Variants in CBFA2T3 observed in about 807,000 individuals in gnomAD.
CBFA2T3 encodes the protein transcriptional corepressor CBFA2T3.
In CBFA2T3, 31 loss-of-function variants were observed where a neutral mutation model predicts 58.6. That is an observed-to-expected ratio of 0.53 (90% CI 0.40 to 0.71). The LOEUF (loss-of-function observed/expected upper bound fraction) is 0.71. Among genes scored for constraint, CBFA2T3 ranks in the 30% least tolerant of loss-of-function variants. The pLI, the probability that CBFA2T3 is intolerant of heterozygous loss-of-function variation, is 0.00. For missense variants in CBFA2T3, 1,076 were observed against 963.1 expected, an observed-to-expected ratio of 1.12 and a Z score of -1.55; for synonymous variants, 531 against 421.9, an observed-to-expected ratio of 1.26 and a Z score of -3.17.
In CBFA2T3 at chr16:88,892,284, T is replaced by C; in HGVS notation, c.581A>G (p.Glu194Gly). ...CAGTGTGCGCACGCGCTCCCCAATC[T>C]CTGGGGAGATGTCGCTGCCAAACTG... ...LQQFGSDISPEIGERVRTLVL... is the reference protein window; with the variant it reads ...LQQFGSDISPGIGERVRTLVL... Residue 194 changes from glutamate to glycine, a missense_variant, in exon 4 of 12, where the codon GAG becomes GGG. By Grantham distance (98) the Glu-to-Gly change is moderately conservative. Coordinates refer to ENST00000268679, the MANE Select transcript of CBFA2T3 (RefSeq NM_005187.6). 6.2e-7 allele frequency: 1 copy of C among 1,612,256 alleles called. No individual in the cohort carries two copies.
At position 88,885,707 on chromosome 16, in the gene CBFA2T3, C is replaced by A. The variant is rs1969339525; in HGVS notation, c.893+254G>T. 6 of 520,754 alleles carry A rather than the reference C, an allele frequency of 1.2e-5. No homozygotes were observed. Among genetic ancestry groups the A allele is most frequent in the Non-Finnish European group, 2.1e-5 (6 of 292,108 alleles). 32.3% of individuals were successfully genotyped at this position (520,754 alleles called of 1,614,324 possible). On this transcript the variant is annotated intron_variant, in intron 6 of 11. Transcript: ENST00000268679. This position sits in a 1 kb window ranked among gnomAD's most constrained non-coding sequence, Gnocchi z 5.3. The stretch of plus-strand genomic sequence containing the variant: ...TCCATGCCCGGCACACAGGGGAGAG[C>A]CGTCCTCCCACCAGCCTCCTCCCTG...
At chr16:88,919,538 C>A (rs569263500) in intron 1 of CBFA2T3, among the ~76,000 whole-genome samples, 1 of 152,190 alleles carries the variant, frequency 6.6e-6, no homozygotes, top group Non-Finnish European at 1.5e-5. Flanking sequence ...CTCAGCCTTA[C>A]GGGTAAGAAG....
chr16:88,975,386 G>A (rs138297369), intron 1 of CBFA2T3, among the ~76,000 whole-genome samples: 36 of 152,304 alleles, frequency 2.4e-4, no homozygotes, highest in East Asian at 1.7e-3. Flanking sequence ...ACAAAGCGGC[G>A]GCTCTCCATG....
intron 5 of CBFA2T3, among the ~76,000 whole-genome samples, chr16:88,890,384 C>T (rs1186152561): frequency 6.6e-6 from 1 of 152,214 alleles, no homozygotes; most frequent in Non-Finnish European, 1.5e-5. Flanking sequence ...GGTCTGTCCT[C>T]TGGACCCCCG....
intron 1 of CBFA2T3, among the ~76,000 whole-genome samples, chr16:88,911,883 C>CA (rs34759996): frequency 0.048 from 7,324 of 152,334 alleles, 492 homozygotes; most frequent in African/African-American, 0.14. Flanking sequence ...AAGACCCCCC[C>CA]TCCTGCCTCG....
At chr16:88,902,029 T>C (rs1016292568) in intron 1 of CBFA2T3, among the ~76,000 whole-genome samples, 4 of 152,102 alleles carry the variant, frequency 2.6e-5, no homozygotes, top group Non-Finnish European at 2.9e-5. Context: ...CGGGGGGTGT[T>C]CAGACAGACC....
chr16:88,910,937 C>T (rs1412195742), intron 1 of CBFA2T3, among the ~76,000 whole-genome samples: 1 of 151,124 alleles, frequency 6.6e-6, no homozygotes, highest in African/African-American at 2.5e-5. Flanking sequence ...CTGGGGTGGG[C>T]AGAGGCGGCC....
chr16:88,962,899 C>T (rs1175723692), intron 1 of CBFA2T3, among the ~76,000 whole-genome samples: 1 of 152,178 alleles, frequency 6.6e-6, no homozygotes, highest in Non-Finnish European at 1.5e-5. Flanking sequence ...TGGGCAACCC[C>T]ACCCCGCGTG....
chr16:88,908,700 C>T (rs528448364), intron 1 of CBFA2T3, among the ~76,000 whole-genome samples: 35 of 152,364 alleles, frequency 2.3e-4, no homozygotes, highest in African/African-American at 7.7e-4. Flanking sequence ...TTCCCCGCCT[C>T]GTACCCTCGC....
intron 1 of CBFA2T3, among the ~76,000 whole-genome samples, chr16:88,935,379 C>A (rs1384799875): frequency 1.3e-5 from 2 of 152,170 alleles, no homozygotes; most frequent in Non-Finnish European, 2.9e-5. Context: ...TGCGTGGGGA[C>A]CCTGGTGGTG....
intron 1 of CBFA2T3, among the ~76,000 whole-genome samples, chr16:88,970,754 G>A (rs371727562): frequency 7.9e-4 from 121 of 152,346 alleles, no homozygotes; most frequent in African/African-American, 2.7e-3. Context: ...ACGCCTTCCA[G>A]GGCTCAGCAC....
chr16:88,919,084 G>A (rs1451852643), intron 1 of CBFA2T3, among the ~76,000 whole-genome samples: 1 of 152,200 alleles, frequency 6.6e-6, no homozygotes, highest in Non-Finnish European at 1.5e-5. Flanking sequence ...GTCGAAGCAA[G>A]CATTAGGTCA....
At chr16:88,898,870 A>G (rs140291679) in intron 2 of CBFA2T3, among the ~76,000 whole-genome samples, 200 of 152,362 alleles carry the variant, frequency 1.3e-3, no homozygotes, top group African/African-American at 4.2e-3. Context: ...TATATAAAAA[A>G]AGAAAGAAAG....
At chr16:88,881,182 G>A (rs780068291) in intron 9 of CBFA2T3, 109 bp downstream of exon 9, 10 of 1,020,928 alleles carry the variant, frequency 9.8e-6, no homozygotes, top group Admixed American at 1.7e-5. Flanking sequence ...TTTCTCAAGC[G>A]AAACTGTTCT....
intron 1 of CBFA2T3, among the ~76,000 whole-genome samples, chr16:88,934,365 G>A (rs1971426601): frequency 6.6e-6 from 1 of 152,274 alleles, no homozygotes; most frequent in African/African-American, 2.4e-5. Context: ...CAGGTCCCCT[G>A]TTGGATGCTT....
At chr16:88,968,776 G>A (rs113418473) in intron 1 of CBFA2T3, among the ~76,000 whole-genome samples, 180 of 152,280 alleles carry the variant, frequency 1.2e-3, no homozygotes, top group Middle Eastern at 6.8e-3. Flanking sequence ...CAGCGGGGAC[G>A]CCTCTTTCAT....
chr16:88,960,484 C>A (rs1597792302), intron 1 of CBFA2T3, among the ~76,000 whole-genome samples: 1 of 152,192 alleles, frequency 6.6e-6, no homozygotes, highest in Non-Finnish European at 1.5e-5. Flanking sequence ...CGGAACGAAT[C>A]CATTTGTCAT....
chr16:88,898,624 A>G (rs1479162111), intron 2 of CBFA2T3, among the ~76,000 whole-genome samples: 4 of 152,224 alleles, frequency 2.6e-5, no homozygotes, highest in Admixed American at 1.3e-4. Flanking sequence ...CACCATCCTC[A>G]GGGACCTGGG....
chr16:88,934,628 G>A (rs1009392208), intron 1 of CBFA2T3, among the ~76,000 whole-genome samples: 4 of 152,268 alleles, frequency 2.6e-5, no homozygotes, highest in African/African-American at 7.2e-5. Flanking sequence ...GTCTGGCCTC[G>A]CTGCCTGCCT....
Sources: allele counts gnomAD v4.1 joint callset (sites outside exome capture counted in the v4.1 genomes callset), GRCh38; gene constraint gnomAD v4.1.1; non-coding constraint Gnocchi (gnomAD v3.1); transcripts MANE v1.5; gene names NCBI Gene and HGNC (gene_info 2026-07-23, HGNC 2026-07-21).